Variants in PML observed in about 807,000 individuals in gnomAD.
PML encodes the protein protein PML.
A neutral mutation model predicts 65.2 loss-of-function variants in PML; 28 were observed. The observed-to-expected ratio is 0.43, with a 90% CI of 0.32 to 0.59. PML has a LOEUF of 0.59. Ranked by LOEUF, PML falls within the 20% of genes least tolerant of loss-of-function variation. The probability of loss-of-function intolerance (pLI) is 0.08; values close to 1 mark genes in which losing one functional copy is unlikely to be tolerated. For synonymous variants in PML, 500 were observed against 508.8 expected (o/e 0.98, Z 0.23); for missense variants, 1,021 against 1,203.4 (o/e 0.85, Z 2.24).
intron 2 of PML, among the ~76,000 whole-genome samples, chr15:73,999,861 G>A (rs1159910072): frequency 7.0e-6 from 1 of 143,410 alleles, no homozygotes; most frequent in Non-Finnish European, 1.5e-5. Context: ...TTGAGATGGA[G>A]TCTCGCTGTG....
chr15:74,035,865 G>A lies in PML; in HGVS notation c.1710+1335G>A, dbSNP rs743582. 1.2e-5 allele frequency: 19 copies of A among 1,613,536 alleles called. No individual in the cohort carries two copies. Among genetic ancestry groups the A allele is most frequent in the Non-Finnish European group, 3.4e-6 (4 of 1,179,988 alleles). On this transcript the variant is annotated intron_variant, in intron 7 of 8. Transcript: ENST00000268058. This position sits in a 1 kb window ranked among gnomAD's most constrained non-coding sequence, Gnocchi z 4.1. The stretch of plus-strand genomic sequence containing the variant: ...CTCTCAAGTCCAAGTGCCTCTGGAA[G>A]CCTCTCCAATTACATTCCCACCACC...
chr15:74,039,490 A>C (rs901385252), intron 7 of PML, among the ~76,000 whole-genome samples: 1 of 152,206 alleles, frequency 6.6e-6, no homozygotes, highest in Non-Finnish European at 1.5e-5. Flanking sequence ...CATGAATGTC[A>C]GATGTTCTGT....
chr15:74,035,700 A>G lies in PML; in HGVS notation c.1710+1170A>G, dbSNP rs2071525493. ...CTCCTCCCATTTATCCCAGTGGCTCAACAACTTTTTTGCCCTCCCCTTCTC... is the reference window on the plus strand; with the variant it reads ...CTCCTCCCATTTATCCCAGTGGCTCGACAACTTTTTTGCCCTCCCCTTCTC... On this transcript the variant is annotated intron_variant, in intron 7 of 8. Coordinates refer to ENST00000268058, the MANE Select transcript of PML (RefSeq NM_033238.3). This position sits in a 1 kb window ranked among gnomAD's most constrained non-coding sequence, Gnocchi z 4.1. The G allele has an allele frequency of 1.2e-6, 2 of 1,613,994 alleles. No individual in the cohort carries two copies. Among genetic ancestry groups the G allele is most frequent in the East Asian group, 2.2e-5 (1 of 44,876 alleles).
At chr15:74,015,285 T>C (rs1388935914) in intron 2 of PML, among the ~76,000 whole-genome samples, 1 of 152,176 alleles carries the variant, frequency 6.6e-6, no homozygotes, top group African/African-American at 2.4e-5. Context: ...AATGGTGAGA[T>C]AGCAGGAAAC....
rs767515993 is a variant in PML, at chr15:74,023,342, A to G, written c.1117A>G (p.Thr373Ala). The change falls in exon 3 of 9, where the codon ACC (threonine) becomes GCC (alanine). Residue 373 changes from threonine (T) to alanine (A), a missense_variant. By Grantham distance (58) the Thr-to-Ala change is moderately conservative. Transcript: ENST00000268058. Reference sequence around the variant, plus strand: ...CCAGAGCCTGCAAGCTGCCGTGCGCACCGATGGCTTCGACGAGTTCAAGGT... The same window carrying G: ...CCAGAGCCTGCAAGCTGCCGTGCGCGCCGATGGCTTCGACGAGTTCAAGGT... Reference protein sequence around the residue: ...EPQSLQAAVRTDGFDEFKVRL... With the variant: ...EPQSLQAAVRADGFDEFKVRL... 1 of 1,604,636 alleles carries G rather than the reference A, an allele frequency of 6.2e-7. No individual in the cohort carries two copies. The highest frequency in any genetic ancestry group is 8.5e-7 in the Non-Finnish European group (1 of 1,179,926).
chr15:73,998,623 C>T (rs1435603238), intron 2 of PML, 147 bp downstream of exon 2: 1 of 696,404 alleles, frequency 1.4e-6, no homozygotes, highest in Non-Finnish European at 2.4e-6. Flanking sequence ...ATGCAGTGTC[C>T]GTGTTGATGA....
intron 2 of PML, among the ~76,000 whole-genome samples, chr15:74,005,753 G>A (rs908274721): frequency 6.6e-6 from 1 of 152,122 alleles, no homozygotes; most frequent in Non-Finnish European, 1.5e-5. Context: ...CTTTTCAATG[G>A]GTACTTGCTC....
In PML at chr15:74,035,428, G is replaced by A. The variant is rs149202279; in HGVS notation, c.1710+898G>A. 10 of 1,611,818 alleles carry A rather than the reference G, an allele frequency of 6.2e-6. No individual in the cohort carries two copies. Among genetic ancestry groups the A allele is most frequent in the African/African-American group, 4.0e-5 (3 of 74,854 alleles). On this transcript the variant is annotated intron_variant, in intron 7 of 8. Transcript: ENST00000268058. The surrounding 1 kb of genome is among the most constrained non-coding windows in gnomAD (Gnocchi z 4.1). ...CGCCCTGCCGTCCACCGTGGGATCCGCTACCTGTTGTACAGAGCACAGAGA... is the reference window on the plus strand; with the variant it reads ...CGCCCTGCCGTCCACCGTGGGATCCACTACCTGTTGTACAGAGCACAGAGA...
rs781281590 is a variant in PML at position 74,034,450 on chromosome 15, A to G, written c.1658-28A>G. The G allele has an allele frequency of 8.7e-6, 14 of 1,614,012 alleles. No individual in the cohort carries two copies. In the East Asian group the frequency reaches 2.7e-4, roughly 31 times the overall value. ...TCCCAGCATGCATCCTAGGCAGTTCATAATGCATCTCCCCTTCCCCGTTTC... is the reference window on the plus strand; with the variant it reads ...TCCCAGCATGCATCCTAGGCAGTTCGTAATGCATCTCCCCTTCCCCGTTTC... On this transcript the variant is annotated intron_variant, in intron 6 of 8. Transcript: ENST00000268058.
At chr15:74,030,860 C>T (rs12901885) in intron 4 of PML, among the ~76,000 whole-genome samples, 23,988 of 151,976 alleles carry the variant, frequency 0.16, 2,054 homozygotes, top group Non-Finnish European at 0.18. Flanking sequence ...CATTTTAACT[C>T]TTGAAGTGTG....
rs137986145 is a variant in PML at position 74,040,895 on chromosome 15, C to T, written c.1711-2094C>T. On this transcript the variant is annotated intron_variant, in intron 7 of 8. Transcript: ENST00000268058. ...TTAGGACAAAGGACATTTCCCTGGC[C>T]CCGGGACAATGGAAGGCTCTAAAAA... Among the ~76,000 whole-genome samples, 79 of 152,274 alleles carry T rather than the reference C, an allele frequency of 5.2e-4. No individual in the cohort carries two copies. The East Asian group carries it at 0.012, about 23-fold the overall frequency.
Position 74,042,678 on chromosome 15 carries a change from A to C in PML, c.1711-311A>C. 1.0e-6 allele frequency: 1 copy of C among 985,370 alleles called. No homozygotes were observed. Among genetic ancestry groups the C allele is most frequent in the African/African-American group, 1.7e-5 (1 of 57,350 alleles). 61.0% of individuals were successfully genotyped at this position (985,370 alleles called of 1,614,324 possible). ...GTTCACAGCTCACACTTAACTGTGC[A>C]TGCACACACAGATTTAGCACTTGGA... On this transcript the variant is annotated intron_variant, in intron 7 of 8. Coordinates refer to ENST00000268058, the MANE Select transcript of PML (RefSeq NM_033238.3). The surrounding 1 kb of genome is among the most constrained non-coding windows in gnomAD (Gnocchi z 5.3).
intron 2 of PML, among the ~76,000 whole-genome samples, chr15:74,000,171 T>G (rs2069695346): frequency 6.6e-6 from 1 of 152,244 alleles, no homozygotes; most frequent in Non-Finnish European, 1.5e-5. Flanking sequence ...TTTCATGTTT[T>G]GAACGTGATA....
At chr15:74,030,688 AT>A in intron 4 of PML, among the ~76,000 whole-genome samples, 1 of 152,154 alleles carries the variant, frequency 6.6e-6, no homozygotes, top group Admixed American at 6.5e-5. Flanking sequence ...AAAACACTAG[AT>A]TCAAGTCAGG....
Position 74,045,785 on chromosome 15 carries a change from G to C in PML, c.*777G>C, listed in dbSNP as rs1046087365. The C allele has an allele frequency of 3.9e-5, 9 of 232,714 alleles. No individual in the cohort carries two copies. The highest frequency in any genetic ancestry group is 2.0e-4 in the African/African-American group (9 of 45,278). The allele number at this position is 232,714 out of a possible 1,614,324, so 14.4% of individuals were successfully genotyped here. ...CCTCAGCCGTCCCAAGGAGTGCCCA[G>C]CACTACTCAGCATGTAGTCCAGGAC... On this transcript the variant is annotated 3_prime_UTR_variant, in exon 9 of 9. Coordinates refer to ENST00000268058, the MANE Select transcript of PML (RefSeq NM_033238.3).
In PML at chr15:74,035,150, T is replaced by C. The variant is rs536070251; in HGVS notation, c.1710+620T>C. On this transcript the variant is annotated intron_variant, in intron 7 of 8. Transcript: ENST00000268058. The surrounding 1 kb of genome is among the most constrained non-coding windows in gnomAD (Gnocchi z 4.1). ...CCCTGAGGTCTCTTCCAGCCCTCAG[T>C]CTGAGGTTCTGTATTGGAAAGTGCA... The C allele has an allele frequency of 8.5e-7, 1 of 1,170,208 alleles. No individual in the cohort carries two copies. Among genetic ancestry groups the C allele is most frequent in the African/African-American group, 1.5e-5 (1 of 66,460 alleles). The allele number at this position is 1,170,208 out of a possible 1,614,324, so 72.5% of individuals were successfully genotyped here.
At chr15:74,033,648 C>T in intron 6 of PML, 1 of 680,130 alleles carries the variant, frequency 1.5e-6, no homozygotes, top group Non-Finnish European at 2.7e-6. Flanking sequence ...ATGCACAGTT[C>T]TATGAGTCCT....
intron 2 of PML, among the ~76,000 whole-genome samples, chr15:74,005,477 TCA>T (rs1274901029): frequency 6.6e-6 from 1 of 152,094 alleles, no homozygotes; most frequent in Non-Finnish European, 1.5e-5. Flanking sequence ...CCCGAGATTC[TCA>T]GAGAGCTCCT....
Position 74,043,362 on chromosome 15 carries a change from A to T in PML, c.1861+223A>T. On this transcript the variant is annotated intron_variant, in intron 8 of 8. Transcript: ENST00000268058. The surrounding 1 kb of genome is among the most constrained non-coding windows in gnomAD (Gnocchi z 4.3). ...TATCCAGTGCCTGAGTGTGCGAGAG[A>T]GGCAGATGCCTCCACAAGTGCACCT... The T allele has an allele frequency of 1.4e-6, 2 of 1,440,970 alleles. No individual in the cohort carries two copies. The highest frequency in any genetic ancestry group is 3.0e-5 in the South Asian group (2 of 66,982). 89.3% of individuals were successfully genotyped at this position (1,440,970 alleles called of 1,614,324 possible).
Sources: allele counts gnomAD v4.1 joint callset (sites outside exome capture counted in the v4.1 genomes callset), GRCh38; gene constraint gnomAD v4.1.1; non-coding constraint Gnocchi (gnomAD v3.1); transcripts MANE v1.5; gene names NCBI Gene and HGNC (gene_info 2026-07-23, HGNC 2026-07-21).